Variants in ACP7 observed in about 807,000 individuals in gnomAD.
The protein encoded by ACP7 is acid phosphatase type 7.
Under a neutral mutation model 60.6 loss-of-function variants are expected in ACP7, and 58 were observed. That is an observed-to-expected ratio of 0.96 (90% CI 0.77 to 1.19). The LOEUF is 1.19. ACP7 is among the 50% of genes most tolerant of loss of function. The pLI, the probability that ACP7 is intolerant of heterozygous loss-of-function variation, is 0.00. For synonymous variants in ACP7, 237 were observed against 232.6 expected, an observed-to-expected ratio of 1.02 and a Z score of -0.17; for missense variants, 574 against 596.2, an observed-to-expected ratio of 0.96 and a Z score of 0.39.
At chr19:39,099,652 G>A (rs10414991) in intron 4 of ACP7, among the ~76,000 whole-genome samples, 95,359 of 151,650 alleles carry the variant, frequency 0.63, 30,141 homozygotes, top group African/African-American at 0.69. Flanking sequence ...CCAGCTGTGT[G>A]ACCTGGGGCC....
intron 2 of ACP7, among the ~76,000 whole-genome samples, chr19:39,091,077 C>T (rs939973690): frequency 2.0e-5 from 3 of 152,002 alleles, no homozygotes; most frequent in African/African-American, 7.2e-5. Context: ...GATGACATCA[C>T]AAATGATTCC....
chr19:39,086,252 C>T (rs1019880487), intron 2 of ACP7, among the ~76,000 whole-genome samples: 3 of 151,994 alleles, frequency 2.0e-5, no homozygotes, highest in African/African-American at 7.2e-5. Context: ...CGCTTGAGCC[C>T]AGGAGTTCAA....
intron 2 of ACP7, among the ~76,000 whole-genome samples, chr19:39,093,381 A>C (rs2073232421): frequency 1.3e-5 from 2 of 151,514 alleles, no homozygotes; most frequent in South Asian, 4.2e-4. Context: ...CAGCCTCCTG[A>C]GTAGCTGGAT....
chr19:39,102,716 T>TTTCTTTC (rs1555769426), intron 11 of ACP7, among the ~76,000 whole-genome samples: 1 of 11,008 alleles, frequency 9.1e-5, no homozygotes, highest in Non-Finnish European at 1.6e-4. Flanking sequence ...AATGAAGACT[T>TTTCTTTC]TTCTTTCTTT....
chr19:39,099,264 T>G, intron 4 of ACP7, 122 bp downstream of exon 4: 1 of 1,135,584 alleles, frequency 8.8e-7, no homozygotes, highest in Non-Finnish European at 1.2e-6. Context: ...GGGACAGGGC[T>G]GGGGCCAGTG....
chr19:39,109,037 G>A (rs546250219), intron 12 of ACP7, among the ~76,000 whole-genome samples: 2 of 152,190 alleles, frequency 1.3e-5, no homozygotes, highest in South Asian at 4.1e-4. Context: ...AGCCAGGCTG[G>A]TCTTGAACTC....
chr19:39,098,127 T>C (rs949157083), intron 2 of ACP7, among the ~76,000 whole-genome samples: 2 of 151,806 alleles, frequency 1.3e-5, no homozygotes, highest in Non-Finnish European at 2.9e-5. Flanking sequence ...GGCACATGCT[T>C]GTAATCCCAG....
chr19:39,093,143 CCTTT>C lies in ACP7; in HGVS notation c.122-5304_122-5301del, dbSNP rs1555767292. Among the ~76,000 whole-genome samples, 11 of 104,568 alleles carry C rather than the reference CCTTT, an allele frequency of 1.1e-4. 1 individual carries two copies. Among genetic ancestry groups the C allele is most frequent in the African/African-American group, 1.5e-4 (4 of 26,188 alleles). 68.6% of individuals were successfully genotyped at this position (104,568 alleles called of 152,430 possible). On this transcript the variant is annotated intron_variant, in intron 2 of 12. Coordinates refer to ENST00000331256, the MANE Select transcript of ACP7 (RefSeq NM_001004318.3). ...TTCTTTCTTTCCTTCTTCCCTCACTCCTTTCTTTCTTTCTCTTTCTTTCTTTCTC... is the reference window on the plus strand; with the variant it reads ...TTCTTTCTTTCCTTCTTCCCTCACTCCTTTCTTTCTCTTTCTTTCTTTCTC...
intron 12 of ACP7, among the ~76,000 whole-genome samples, chr19:39,108,982 G>A (rs1183073179): frequency 9.9e-5 from 15 of 151,622 alleles, no homozygotes; most frequent in African/African-American, 2.7e-4. Context: ...CACCACACCC[G>A]GCTAATTTTT....
At chr19:39,091,164 CTTTT>C (rs111230201) in intron 2 of ACP7, among the ~76,000 whole-genome samples, 1 of 139,662 alleles carries the variant, frequency 7.2e-6, no homozygotes. Flanking sequence ...TCTTTTCTTT[CTTTT>C]TTTTTTTTTT....
At chr19:39,087,459 A>G (rs2073155322) in intron 2 of ACP7, among the ~76,000 whole-genome samples, 1 of 151,846 alleles carries the variant, frequency 6.6e-6, no homozygotes, top group African/African-American at 2.4e-5. Context: ...AACAGGGAGA[A>G]AAGTTGCTTG....
rs59373149 is a variant in ACP7, at chr19:39,098,253, CAAAAAAAAAAAAA to C, written c.122-191_122-179del. Among the ~76,000 whole-genome samples the C allele has an allele frequency of 1.1e-3, 74 of 64,974 alleles. 2 individuals are homozygous for C. Among genetic ancestry groups the C allele is most frequent in the Non-Finnish European group, 1.1e-4 (4 of 36,940 alleles). 42.6% of individuals were successfully genotyped at this position (64,974 alleles called of 152,430 possible). ...TAGGAGGCAGAGTAAGACCCTGACT[CAAAAAAAAAAAAA>C]AAAAAAAAAAAAAGAAAAGAAAAGA... On this transcript the variant is annotated intron_variant, in intron 2 of 12. Transcript: ENST00000331256.
At position 39,110,159 on chromosome 19, in the gene ACP7, C is replaced by T. The variant is rs777652345; in HGVS notation, c.*41C>T. 106 of 1,583,880 alleles carry T rather than the reference C, an allele frequency of 6.7e-5. No homozygotes were observed. The highest frequency in any genetic ancestry group is 8.9e-5 in the Non-Finnish European group (103 of 1,153,728). Reference sequence around the variant, plus strand: ...TCCTCCAGAAGCCTAGGTTTTGCCGCCTTGGCTGCTGTGACCAGAAACTGC... The same window carrying T: ...TCCTCCAGAAGCCTAGGTTTTGCCGTCTTGGCTGCTGTGACCAGAAACTGC... On this transcript the variant is annotated 3_prime_UTR_variant, in exon 13 of 13. Coordinates refer to ENST00000331256, the MANE Select transcript of ACP7 (RefSeq NM_001004318.3).
At position 39,099,255 on chromosome 19, in the gene ACP7, G is replaced by A. The variant is rs751080061; in HGVS notation, c.505+113G>A. ...GGGGGCGGTGCTAGGACCGTGGAGG[G>A]GACAGGGCTGGGGCCAGTGTGTCTC... On this transcript the variant is annotated intron_variant, in intron 4 of 12. Transcript: ENST00000331256. The A allele has an allele frequency of 3.2e-4, 383 of 1,208,098 alleles. 1 individual carries two copies. The highest frequency in any genetic ancestry group is 7.4e-4 in the African/African-American group (46 of 62,334). The allele number at this position is 1,208,098 out of a possible 1,614,324, so 74.8% of individuals were successfully genotyped here. A position where few individuals can be genotyped will look rare whatever the true frequency, so the allele number is the denominator to read the frequency against.
At chr19:39,102,713 ACTTTTCTTTCTTTCTTT>A (rs769790375) in intron 11 of ACP7, among the ~76,000 whole-genome samples, 10 of 47,866 alleles carry the variant, frequency 2.1e-4, no homozygotes, top group African/African-American at 3.2e-4. Flanking sequence ...TCCAATGAAG[ACTTTTCTTTCTTTCTTT>A]CTTTCTTTCT....
At chr19:39,103,441 G>GTGTGTTTT (rs1230916229) in intron 11 of ACP7, among the ~76,000 whole-genome samples, 8 of 64,690 alleles carry the variant, frequency 1.2e-4, no homozygotes, top group Non-Finnish European at 2.1e-4. Flanking sequence ...ATCATCATGT[G>GTGTGTTTT]TTTTTTTTTT....
chr19:39,109,685 TAAAAAAAAAA>T (rs34682645), intron 12 of ACP7, among the ~76,000 whole-genome samples: 1 of 65,502 alleles, frequency 1.5e-5, no homozygotes, highest in African/African-American at 7.3e-5. Flanking sequence ...AGACTCTGTC[TAAAAAAAAAA>T]AAAAAAAAAA....
At position 39,098,977 on chromosome 19, in the gene ACP7, G is replaced by C. The variant is rs1265913403; in HGVS notation, c.340G>C (p.Ala114Pro). Residue 114 changes from alanine (A) to proline (P), a missense_variant, in exon 4 of 13, where the codon GCG (alanine) becomes CCG (proline). Physicochemically the swap from Ala to Pro is conservative, Grantham distance 27. Coordinates refer to ENST00000331256, the MANE Select transcript of ACP7 (RefSeq NM_001004318.3). ...GVQYVYRCGS[A>P]QGWSRRFRFR... ...CCATTCAGTTTATCGCTGTGGCAGT[G>C]CGCAGGGCTGGAGCCGTCGGTTCCG... The C allele has an allele frequency of 1.1e-5, 17 of 1,613,164 alleles. No homozygotes were observed. The Middle Eastern group carries it at 9.9e-4, about 94-fold the overall frequency.
At chr19:39,087,752 G>C (rs1435392315) in intron 2 of ACP7, among the ~76,000 whole-genome samples, 1 of 151,206 alleles carries the variant, frequency 6.6e-6, no homozygotes, top group Non-Finnish European at 1.5e-5. Context: ...TCCTGCTTCA[G>C]CCTCCCAAGT....
Sources: allele counts gnomAD v4.1 joint callset (sites outside exome capture counted in the v4.1 genomes callset), GRCh38; gene constraint gnomAD v4.1.1; transcripts MANE v1.5; gene names NCBI Gene and HGNC (gene_info 2026-07-23, HGNC 2026-07-21).